The following CPPED1 variants were observed in gnomAD, a reference collection of about 807,000 sequenced individuals.
CPPED1 encodes the protein serine/threonine-protein phosphatase CPPED1.
Under a neutral mutation model 28.0 loss-of-function variants are expected in CPPED1, and 28 were observed. The observed-to-expected ratio is 1.00, with a 90% confidence interval of 0.74 to 1.37. The LOEUF is 1.37. Among genes scored for constraint, CPPED1 ranks in the 40% most tolerant of loss-of-function variants. The probability of loss-of-function intolerance (pLI) is 0.00; values close to 1 mark genes in which losing one functional copy is unlikely to be tolerated. For synonymous variants in CPPED1, 198 were observed against 180.2 expected, an observed-to-expected ratio of 1.10 and a Z score of -0.79; for missense variants, 504 against 416.5, an observed-to-expected ratio of 1.21 and a Z score of -1.83.
chr16:12,673,035 G>T (rs1344894232), intron 3 of CPPED1, among the ~76,000 whole-genome samples: 1 of 150,862 alleles, frequency 6.6e-6, no homozygotes, highest in African/African-American at 2.4e-5. Flanking sequence ...AAAGAAAAGA[G>T]AAAAAAAAAG....
intron 2 of CPPED1, among the ~76,000 whole-genome samples, chr16:12,727,875 C>T (rs1207261617): frequency 6.6e-6 from 1 of 152,164 alleles, no homozygotes; most frequent in Non-Finnish European, 1.5e-5. Context: ...CTACAGTCAT[C>T]TTCACCTTAC....
At chr16:12,743,614 A>C (rs762271264) in intron 2 of CPPED1, among the ~76,000 whole-genome samples, 1 of 152,242 alleles carries the variant, frequency 6.6e-6, no homozygotes, top group Non-Finnish European at 1.5e-5. Flanking sequence ...AAGTACTCTA[A>C]GTTACCAAGA....
chr16:12,763,010 C>T (rs1449853062), intron 2 of CPPED1, among the ~76,000 whole-genome samples: 1 of 152,118 alleles, frequency 6.6e-6, no homozygotes, highest in Non-Finnish European at 1.5e-5. Flanking sequence ...GGGTGGATCA[C>T]TTGAAGTTGG....
At chr16:12,756,147 T>C (rs977041979) in intron 2 of CPPED1, among the ~76,000 whole-genome samples, 4 of 129,746 alleles carry the variant, frequency 3.1e-5, no homozygotes, top group Admixed American at 7.5e-5. Context: ...CAAAAAAAAA[T>C]CGGAAGTTGG....
intron 2 of CPPED1, among the ~76,000 whole-genome samples, chr16:12,705,326 G>C (rs578259884): frequency 6.6e-6 from 1 of 152,254 alleles, no homozygotes; most frequent in East Asian, 1.9e-4. Context: ...TCAATCCTGA[G>C]ATTAAATATT....
At chr16:12,694,253 A>G (rs1490220145) in intron 3 of CPPED1, among the ~76,000 whole-genome samples, 1 of 152,176 alleles carries the variant, frequency 6.6e-6, no homozygotes, top group Non-Finnish European at 1.5e-5. Context: ...TTGAAGAGCA[A>G]TCTACAACCT....
intron 2 of CPPED1, among the ~76,000 whole-genome samples, chr16:12,740,242 T>A (rs563195442): frequency 6.6e-6 from 1 of 151,840 alleles, no homozygotes; most frequent in East Asian, 1.9e-4. Flanking sequence ...GGTCAGGAGT[T>A]CAACACCAGC....
intron 3 of CPPED1, among the ~76,000 whole-genome samples, chr16:12,681,074 C>A (rs147530370): frequency 6.6e-6 from 1 of 152,132 alleles, no homozygotes; most frequent in Non-Finnish European, 1.5e-5. Flanking sequence ...CCAGCTCATA[C>A]TCTAAAACCT....
intron 2 of CPPED1, among the ~76,000 whole-genome samples, chr16:12,774,524 A>C (rs1374219809): frequency 6.6e-6 from 1 of 152,046 alleles, no homozygotes; most frequent in East Asian, 1.9e-4. Context: ...CTTTTGTCTT[A>C]GAAATCTCTT....
At chr16:12,683,030 C>A (rs896934194) in intron 3 of CPPED1, among the ~76,000 whole-genome samples, 1 of 152,158 alleles carries the variant, frequency 6.6e-6, no homozygotes, top group Admixed American at 6.5e-5. Context: ...GGTAGACAGA[C>A]GTGGCGGCCA....
At chr16:12,681,268 A>T (rs1713467) in intron 3 of CPPED1, among the ~76,000 whole-genome samples, 132,680 of 152,070 alleles carry the variant, frequency 0.87, 58,786 homozygotes, top group African/African-American at 0.92. Flanking sequence ...TCTGCCCTCA[A>T]GAATGCATTA....
chr16:12,687,069 G>A (rs1475462946), intron 3 of CPPED1, among the ~76,000 whole-genome samples: 1 of 152,088 alleles, frequency 6.6e-6, no homozygotes, highest in East Asian at 1.9e-4. Flanking sequence ...GTAAGCACTT[G>A]TATCATAATC....
chr16:12,686,227 G>GTATA (rs149918404), intron 3 of CPPED1, among the ~76,000 whole-genome samples: 3 of 125,406 alleles, frequency 2.4e-5, no homozygotes, highest in African/African-American at 1.4e-4. Flanking sequence ...TTTATTAATT[G>GTATA]TATATATATA....
At chr16:12,671,682 G>A (rs1051354921) in intron 3 of CPPED1, among the ~76,000 whole-genome samples, 1 of 152,218 alleles carries the variant, frequency 6.6e-6, no homozygotes, top group African/African-American at 2.4e-5. Context: ...TTTGGTCAAT[G>A]ATGAACGCCA....
chr16:12,707,175 T>C (rs13337740), intron 2 of CPPED1, among the ~76,000 whole-genome samples: 3,054 of 152,320 alleles, frequency 0.02, 60 homozygotes, highest in Middle Eastern at 0.054. Context: ...AAAGCGACCC[T>C]TGTGGTCCAA....
chr16:12,669,757 C>A (rs1206384179), intron 3 of CPPED1, among the ~76,000 whole-genome samples: 1 of 152,094 alleles, frequency 6.6e-6, no homozygotes, highest in Non-Finnish European at 1.5e-5. Context: ...AGTAAGGATT[C>A]TCTAATAAAA....
intron 2 of CPPED1, among the ~76,000 whole-genome samples, chr16:12,750,822 T>C (rs1350672140): frequency 2.6e-5 from 4 of 151,816 alleles, no homozygotes; most frequent in African/African-American, 9.7e-5. Context: ...AGTACAAAAA[T>C]TAGCCAGGCG....
chr16:12,787,508 G>A (rs1398493208), intron 1 of CPPED1, among the ~76,000 whole-genome samples: 1 of 150,794 alleles, frequency 6.6e-6, no homozygotes, highest in Non-Finnish European at 1.5e-5. Flanking sequence ...CGGTTCAAGT[G>A]ATTCTCCCAC....
intron 2 of CPPED1, among the ~76,000 whole-genome samples, chr16:12,721,011 A>T (rs2141198245): frequency 6.6e-6 from 1 of 152,246 alleles, no homozygotes; most frequent in African/African-American, 2.4e-5. Context: ...CCCTAGATGG[A>T]TAGGATGAGC....
Sources: allele counts gnomAD v4.1 joint callset (sites outside exome capture counted in the v4.1 genomes callset), GRCh38; gene constraint gnomAD v4.1.1; transcripts MANE v1.5; gene names NCBI Gene and HGNC (gene_info 2026-07-23, HGNC 2026-07-21).